JAG2: variants seen among roughly 807,000 people sequenced by gnomAD.
JAG2 encodes the protein jagged canonical Notch ligand 2, also known as protein jagged-2.
In JAG2, 46 loss-of-function variants were observed where a neutral mutation model predicts 141.7. The ratio of observed to expected loss-of-function variants is 0.32; its 90% CI spans 0.26 to 0.42. The LOEUF is 0.42. Among genes scored for constraint, JAG2 ranks in the 10% least tolerant of loss-of-function variants. The pLI, the probability that JAG2 is intolerant of heterozygous loss-of-function variation, is 1.00. For synonymous variants in JAG2, 862 were observed against 763.5 expected, an observed-to-expected ratio of 1.13 and a Z score of -2.13; for missense variants, 1,500 against 1,817.5, an observed-to-expected ratio of 0.83 and a Z score of 3.18.
In JAG2 at chr14:105,148,162, G is replaced by A. The variant is rs1283383650; in HGVS notation, c.2202C>T (p.Phe734=). The A allele has an allele frequency of 6.4e-7, 1 of 1,551,220 alleles. No homozygotes were observed. Among genetic ancestry groups the A allele is most frequent in the East Asian group, 2.4e-5 (1 of 41,042 alleles). ...TCCAGCCGGGGGGGCAGGCGCAGCGGAAGGTGTCGCCGCTGTCGTAGCAGG... is the reference window on the plus strand; with the variant it reads ...TCCAGCCGGGGGGGCAGGCGCAGCGAAAGGTGTCGCCGCTGTCGTAGCAGG... ...GGTCYDSGDT[F]RCACPPGWKG... is the part of the protein sequence containing the mutation. Residue 734 remains phenylalanine (F), a synonymous_variant, in exon 17 of 26, where the codon TTC becomes TTT. Coordinates refer to ENST00000331782, the MANE Select transcript of JAG2 (RefSeq NM_002226.5).
intron 2 of JAG2, among the ~76,000 whole-genome samples, chr14:105,163,012 G>A (rs1191658424): frequency 2.6e-5 from 4 of 151,082 alleles, no homozygotes; most frequent in African/African-American, 7.3e-5. Flanking sequence ...CCCCGCTAAC[G>A]GCCCCCCCAG....
At position 105,146,543 on chromosome 14, in the gene JAG2, C is replaced by T. The variant is rs373640476; in HGVS notation, c.2594-43G>A. The T allele has an allele frequency of 3.7e-6, 6 of 1,606,890 alleles. No individual in the cohort carries two copies. The African/African-American group carries it at 6.7e-5, about 18-fold the overall frequency. ...TCGAGGGTCAGCAGTGGGCATCTGG[C>T]CCTCGGGGCTGGGTGTCACCCATGC... On this transcript the variant is annotated intron_variant, in intron 21 of 25. Coordinates refer to ENST00000331782, the MANE Select transcript of JAG2 (RefSeq NM_002226.5).
intron 2 of JAG2, among the ~76,000 whole-genome samples, chr14:105,166,130 C>T (rs1337089807): frequency 6.6e-6 from 1 of 152,256 alleles, no homozygotes; most frequent in African/African-American, 2.4e-5. Flanking sequence ...AAGCAAGAGG[C>T]AGGGAGGTGA....
At chr14:105,157,985 C>T (rs971660401) in intron 2 of JAG2, among the ~76,000 whole-genome samples, 16 of 151,854 alleles carry the variant, frequency 1.1e-4, no homozygotes, top group Non-Finnish European at 2.2e-4. Context: ...CCAGGCCACG[C>T]GGGCTCAGGG....
chr14:105,159,228 C>T (rs887512492), intron 2 of JAG2, among the ~76,000 whole-genome samples: 3 of 152,004 alleles, frequency 2.0e-5, no homozygotes, highest in South Asian at 2.1e-4. Flanking sequence ...TGGGCAACCC[C>T]GGCCCCGCCC....
At chr14:105,143,697 GC>G (rs1888134863) in intron 24 of JAG2, 59 bp from the exon 25 acceptor site, 24 of 1,585,614 alleles carry the variant, frequency 1.5e-5, no homozygotes, top group Non-Finnish European at 2.0e-5. Flanking sequence ...CCAGCAGCCT[GC>G]CCCCAACACT....
rs1888454057 is a variant in JAG2 at position 105,152,112 on chromosome 14, A to G, written c.919+49T>C. Reference sequence around the variant, plus strand: ...AAAGCCGGCCCCCCGCTCCCCCACAACCCACACTTCGATGGCAGAGCATTA... The same window carrying G: ...AAAGCCGGCCCCCCGCTCCCCCACAGCCCACACTTCGATGGCAGAGCATTA... On this transcript the variant is annotated intron_variant, in intron 6 of 25. Transcript: ENST00000331782. 3 of 1,613,264 alleles carry G rather than the reference A, an allele frequency of 1.9e-6. No homozygotes were observed. In the Admixed American group the frequency reaches 5.0e-5, roughly 27 times the overall value.
intron 2 of JAG2, among the ~76,000 whole-genome samples, chr14:105,160,307 C>T (rs1426991279): frequency 1.1e-4 from 2 of 17,896 alleles, no homozygotes; most frequent in African/African-American, 5.5e-4. Context: ...CTGCCCACCC[C>T]CACCCACCCA....
chr14:105,157,754 T>C lies in JAG2; in HGVS notation c.427A>G (p.Thr143Ala). The C allele has an allele frequency of 6.3e-7, 1 of 1,576,876 alleles. No homozygotes were observed. Among genetic ancestry groups the C allele is most frequent in the East Asian group, 2.4e-5 (1 of 42,476 alleles). The stretch of plus-strand genomic sequence containing the variant: ...CAGTCCCAGGCCTCCACGATGAGGG[T>C]AAAGGAGCGCTGCAGACATGGGGAG... ...PFQFAWPRSF[T>A]LIVEAWDWDN... is the part of the protein sequence containing the mutation. Residue 143 changes from threonine to alanine, a missense_variant, in exon 3 of 26, where the codon ACC (threonine) becomes GCC (alanine). Coordinates refer to ENST00000331782, the MANE Select transcript of JAG2 (RefSeq NM_002226.5).
Position 105,147,307 on chromosome 14 carries a change from G to A in JAG2, c.2479+19C>T, listed in dbSNP as rs372993659. The A allele has an allele frequency of 1.3e-4, 209 of 1,548,382 alleles. No individual in the cohort carries two copies. The African/African-American group carries it at 2.4e-3, about 18-fold the overall frequency. On this transcript the variant is annotated intron_variant, in intron 20 of 25. Coordinates refer to ENST00000331782, the MANE Select transcript of JAG2 (RefSeq NM_002226.5). Reference sequence around the variant, plus strand: ...CTGGGCTGAGGGGCTCCCAGGGCTGGGGCTGTCTGGCCACTCACTGATGCG... The same window carrying A: ...CTGGGCTGAGGGGCTCCCAGGGCTGAGGCTGTCTGGCCACTCACTGATGCG...
At chr14:105,160,007 A>C (rs587718811) in intron 2 of JAG2, among the ~76,000 whole-genome samples, 4 of 1,592 alleles carry the variant, frequency 2.5e-3, no homozygotes, top group Admixed American at 0.01. Flanking sequence ...AGCTCTGTCC[A>C]CCCCCCCCAA....
intron 3 of JAG2, among the ~76,000 whole-genome samples, chr14:105,156,380 G>C (rs1566766818): frequency 1.3e-5 from 2 of 152,238 alleles, no homozygotes; most frequent in South Asian, 4.1e-4. Context: ...GCACCCACCT[G>C]CGCCGTGTCC....
chr14:105,148,857 G>A lies in JAG2; in HGVS notation c.1908C>T (p.Asn636=). 2 of 1,590,506 alleles carry A rather than the reference G, an allele frequency of 1.3e-6. No individual in the cohort carries two copies. Among genetic ancestry groups the A allele is most frequent in the Non-Finnish European group, 1.7e-6 (2 of 1,169,442 alleles). Residue 636 remains asparagine, a splice_region_variant and synonymous_variant, in exon 15 of 26, where the codon AAC becomes AAT. Coordinates refer to ENST00000331782, the MANE Select transcript of JAG2 (RefSeq NM_002226.5). ...SGFTGTYCHE[N]IDDCLGQPCR... ...AGGGCTGGCCCAGGCAGTCGTCAAT[G>A]TCTGCAGAGGCGAGCGGGGTGAGCC... is the stretch of plus-strand genomic sequence containing the variant.
chr14:105,160,592 G>C (rs1160869972), intron 2 of JAG2, among the ~76,000 whole-genome samples: 1 of 151,884 alleles, frequency 6.6e-6, no homozygotes, highest in Non-Finnish European at 1.5e-5. Flanking sequence ...ACGGGTCACA[G>C]TGGCTCACGC....
At chr14:105,165,852 G>A (rs1339134957) in intron 2 of JAG2, among the ~76,000 whole-genome samples, 1 of 152,228 alleles carries the variant, frequency 6.6e-6, no homozygotes, top group Admixed American at 6.5e-5. Context: ...GCCTGAACTC[G>A]GTCCTTGCCT....
chr14:105,160,844 C>T (rs754479030), intron 2 of JAG2, among the ~76,000 whole-genome samples: 16 of 143,162 alleles, frequency 1.1e-4, no homozygotes, highest in Non-Finnish European at 1.6e-4. Context: ...GCCTGGGCAA[C>T]GAGGGCAAAA....
intron 20 of JAG2, 130 bp downstream of exon 20, chr14:105,147,196 C>T: frequency 1.3e-6 from 1 of 745,104 alleles, no homozygotes; most frequent in Non-Finnish European, 2.3e-6. Context: ...GAAACTGAGG[C>T]TCAGAAGAGA....
intron 5 of JAG2, 99 bp from the exon 6 acceptor site, chr14:105,152,390 G>A (rs1304919212): frequency 7.0e-7 from 1 of 1,435,626 alleles, no homozygotes; most frequent in Non-Finnish European, 9.5e-7. Flanking sequence ...CCCAGGGCCG[G>A]CGGGCGGCCT....
At chr14:105,156,050 G>C (rs1489350496) in intron 3 of JAG2, 61 bp from the exon 4 acceptor site, 32 of 1,582,200 alleles carry the variant, frequency 2.0e-5, no homozygotes, top group African/African-American at 2.7e-5. Flanking sequence ...GGGTCCTCCA[G>C]GAACAACGGG....
Sources: allele counts gnomAD v4.1 joint callset (sites outside exome capture counted in the v4.1 genomes callset), GRCh38; gene constraint gnomAD v4.1.1; transcripts MANE v1.5; gene names NCBI Gene and HGNC (gene_info 2026-07-23, HGNC 2026-07-21).